Variants in GUCA1A observed in about 807,000 individuals in gnomAD.
GUCA1A encodes guanylate cyclase activator 1A.
GUCA1A carries 14 observed loss-of-function variants against 18.5 expected under a neutral mutation model. That is an observed-to-expected ratio of 0.76 (90% CI 0.50 to 1.18). The LOEUF is 1.18. GUCA1A is among the 50% of genes most tolerant of loss of function. GUCA1A has a pLI of 0.00. For missense variants in GUCA1A, 264 were observed against 262.4 expected (o/e 1.01, Z -0.04); for synonymous variants, 97 against 100.2 (o/e 0.97, Z 0.19).
intron 1 of GUCA1A, among the ~76,000 whole-genome samples, chr6:42,175,691 C>T (rs1767941118): frequency 6.6e-6 from 1 of 152,114 alleles, no homozygotes; most frequent in African/African-American, 2.4e-5. Flanking sequence ...GTGTCCCATG[C>T]GAGCACCACC....
At chr6:42,175,378 T>C (rs893664879) in intron 1 of GUCA1A, among the ~76,000 whole-genome samples, 10 of 112,884 alleles carry the variant, frequency 8.9e-5, no homozygotes, top group Admixed American at 3.6e-4. Context: ...TTTTTTTTTT[T>C]GAGATGGAGT....
chr6:42,176,311 A>G lies in GUCA1A; in HGVS notation c.202-1969A>G, dbSNP rs144656614. Among the ~76,000 whole-genome samples the G allele has an allele frequency of 6.4e-4, 98 of 152,370 alleles. 1 individual carries two copies. The highest frequency in any genetic ancestry group is 3.1e-3 in the Admixed American group (47 of 15,300). On this transcript the variant is annotated intron_variant, in intron 1 of 3. Transcript: ENST00000372958. ...GCCTCATCTACACCCATGGCACACA[A>G]TCACACTTTGCATAATACTGTCTTG...
At position 42,179,239 on chromosome 6, in the gene GUCA1A, C is replaced by T; in HGVS notation, c.446-4C>T. The T allele has an allele frequency of 6.2e-7, 1 of 1,612,784 alleles. No homozygotes were observed. The highest frequency in any genetic ancestry group is 8.5e-7 in the Non-Finnish European group (1 of 1,178,818). The stretch of plus-strand genomic sequence containing the variant: ...CCCCCTGATTCCCTTTCTCTCTACC[C>T]CAGGGGAACTCTCCCTGGAAGAGTT... On this transcript the variant is annotated splice_polypyrimidine_tract_variant and splice_region_variant and intron_variant, in intron 3 of 3. Transcript: ENST00000372958.
At chr6:42,174,571 G>A (rs1246123742) in intron 1 of GUCA1A, among the ~76,000 whole-genome samples, 1 of 152,208 alleles carries the variant, frequency 6.6e-6, no homozygotes, top group Non-Finnish European at 1.5e-5. Flanking sequence ...GTCACTGAAA[G>A]GTGAGTTTGG....
intron 1 of GUCA1A, among the ~76,000 whole-genome samples, chr6:42,175,590 C>CT (rs770500602): frequency 1.8e-4 from 28 of 152,182 alleles, no homozygotes; most frequent in Non-Finnish European, 3.4e-4. Context: ...GTCTCAAACT[C>CT]TTGACCTCAG....
chr6:42,179,106 T>TTGC (rs1244587240), intron 3 of GUCA1A, 137 bp from the exon 4 acceptor site: 38 of 940,884 alleles, frequency 4.0e-5, no homozygotes, highest in Non-Finnish European at 6.2e-5. Flanking sequence ...GTTCCTCTGC[T>TTGC]TGCTGCACCC....
In GUCA1A at chr6:42,173,706, T is replaced by C. The variant is rs767081805; in HGVS notation, c.93T>C (p.Ser31=). The part of the protein sequence containing the change: ...WYKKFMTECP[S]GQLTLYEFRQ... ...AGAAGTTCATGACTGAGTGCCCCTC[T>C]GGCCAACTCACCCTCTATGAGTTCC... Residue 31 remains serine, a synonymous_variant, in exon 1 of 4, where the codon TCT becomes TCC. Transcript: ENST00000372958. 52 of 1,614,000 alleles carry C rather than the reference T, an allele frequency of 3.2e-5. No individual in the cohort carries two copies. The highest frequency in any genetic ancestry group is 4.2e-5 in the Non-Finnish European group (49 of 1,179,818).
At chr6:42,176,678 C>A (rs1404095776) in intron 1 of GUCA1A, among the ~76,000 whole-genome samples, 9 of 152,178 alleles carry the variant, frequency 5.9e-5, no homozygotes, top group Admixed American at 5.9e-4. Flanking sequence ...AGGTGATCCA[C>A]CTGCCTCGGC....
At chr6:42,177,596 C>T (rs925529513) in intron 1 of GUCA1A, among the ~76,000 whole-genome samples, 2 of 152,050 alleles carry the variant, frequency 1.3e-5, no homozygotes, top group South Asian at 4.2e-4. Flanking sequence ...TAGAAATTTC[C>T]AGCAATACAG....
rs761500110 is a variant in GUCA1A at position 42,179,337 on chromosome 6, G to A, written c.540G>A (p.Val180=). 7.4e-6 allele frequency: 12 copies of A among 1,613,642 alleles called. No homozygotes were observed. The South Asian group carries it at 1.1e-4, about 15-fold the overall frequency. ...GAAGCCTGGACCTTACCCGCATCGTGCGCAGGCTCCAGAATGGCGAGCAAG... is the reference window on the plus strand; with the variant it reads ...GAAGCCTGGACCTTACCCGCATCGTACGCAGGCTCCAGAATGGCGAGCAAG... ...LTRSLDLTRI[V]RRLQNGEQDE... Residue 180 remains valine (V), a synonymous_variant, in exon 4 of 4, where the codon GTG becomes GTA. Transcript: ENST00000372958.
At chr6:42,177,652 T>TC (rs1206086943) in intron 1 of GUCA1A, among the ~76,000 whole-genome samples, 9 of 152,084 alleles carry the variant, frequency 5.9e-5, no homozygotes, top group Non-Finnish European at 1.3e-4. Flanking sequence ...TGGTGTCCCC[T>TC]CCCCCAGAGG....
rs763207295 is a variant in GUCA1A, at chr6:42,178,442, C to T, written c.351+13C>T. 3.1e-6 allele frequency: 5 copies of T among 1,611,824 alleles called. No individual in the cohort carries two copies. In the South Asian group the frequency reaches 5.5e-5, roughly 18 times the overall value. ...CACCATCATCCAGGTGCAGAGGGCC[C>T]GGCCAGGGCTGGGGGCAGCGGTCTG... On this transcript the variant is annotated intron_variant, in intron 2 of 3. Transcript: ENST00000372958.
At position 42,179,262 on chromosome 6, in the gene GUCA1A, G is replaced by GT. The variant is rs1293649214; in HGVS notation, c.468dup (p.Ile157TyrfsTer38). On this transcript the variant is annotated frameshift_variant, in exon 4 of 4. Coordinates refer to ENST00000372958, the MANE Select transcript of GUCA1A (RefSeq NM_001384910.1). LOFTEE classifies it high-confidence loss of function. Reference sequence around the variant, plus strand: ...CCCCAGGGGAACTCTCCCTGGAAGAGTTTATAGAGGGCGTCCAGAAGGACC... The same window carrying GT: ...CCCCAGGGGAACTCTCCCTGGAAGAGTTTTATAGAGGGCGTCCAGAAGGACC... 1.2e-6 allele frequency: 2 copies of GT among 1,613,836 alleles called. No individual in the cohort carries two copies. The highest frequency in any genetic ancestry group is 1.7e-6 in the Non-Finnish European group (2 of 1,179,752).
At chr6:42,175,234 A>G (rs1414074124) in intron 1 of GUCA1A, among the ~76,000 whole-genome samples, 1 of 152,142 alleles carries the variant, frequency 6.6e-6, no homozygotes, top group Non-Finnish European at 1.5e-5. Context: ...ACCTGCTAAG[A>G]AAACCCTTTG....
At chr6:42,178,182 T>G in intron 1 of GUCA1A, 98 bp from the exon 2 acceptor site, 2 of 1,431,876 alleles carry the variant, frequency 1.4e-6, no homozygotes, top group Non-Finnish European at 1.9e-6. Context: ...TCTTGGGGCT[T>G]GCCGAGATGG....
intron 1 of GUCA1A, among the ~76,000 whole-genome samples, chr6:42,174,500 G>A (rs534114250): frequency 6.6e-6 from 1 of 152,276 alleles, no homozygotes; most frequent in South Asian, 2.1e-4. Flanking sequence ...GTCAAATTGT[G>A]TCTCCTCAGT....
intron 1 of GUCA1A, among the ~76,000 whole-genome samples, chr6:42,174,310 T>TG (rs1767894113): frequency 6.6e-6 from 1 of 152,230 alleles, no homozygotes; most frequent in Non-Finnish European, 1.5e-5. Context: ...GGGAGCAAGA[T>TG]GATGATTCTC....
At chr6:42,175,303 G>A (rs1415295521) in intron 1 of GUCA1A, among the ~76,000 whole-genome samples, 1 of 151,752 alleles carries the variant, frequency 6.6e-6, no homozygotes. Context: ...CGGTGGGGGT[G>A]GGGGAGGGCA....
Position 42,178,852 on chromosome 6 carries a change from G to A in GUCA1A, c.402G>A (p.Glu134=). The part of the protein sequence containing the change: ...PCSDTTMTAE[E]FTDTVFSKID... Reference sequence around the variant, plus strand: ...GCGATACCACCATGACTGCAGAGGAGTTCACCGATACAGTGTTCTCCAAGA... The same window carrying A: ...GCGATACCACCATGACTGCAGAGGAATTCACCGATACAGTGTTCTCCAAGA... The change falls in exon 3 of 4, where the codon GAG becomes GAA. Residue 134 remains glutamate, a synonymous_variant. Coordinates refer to ENST00000372958, the MANE Select transcript of GUCA1A (RefSeq NM_001384910.1). The A allele has an allele frequency of 6.2e-7, 1 of 1,614,060 alleles. No individual in the cohort carries two copies.
Sources: gnomAD v4.1 joint callset for allele counts (sites outside exome capture counted in the v4.1 genomes callset) on GRCh38, gnomAD v4.1.1 for gene constraint, MANE v1.5 for transcripts, NCBI Gene and HGNC (gene_info 2026-07-23, HGNC 2026-07-21) for gene names.